The following CLCN4 variants were observed in gnomAD, a reference collection of about 807,000 sequenced individuals.
The protein encoded by CLCN4 is Cl-/H+ antiporter 4.
In CLCN4, 1 loss-of-function variant was observed where a neutral mutation model predicts 41.7. That is an observed-to-expected ratio of 0.02 (90% CI 0.01 to 0.11). CLCN4 has a LOEUF of 0.11. Ranked by LOEUF, CLCN4 falls within the 10% of genes least tolerant of loss-of-function variation. CLCN4 has a pLI of 1.00. For missense variants in CLCN4, 287 were observed against 661.0 expected (o/e 0.43, Z 6.20); for synonymous variants, 277 against 285.8 (o/e 0.97, Z 0.31).
At chrX:10,166,265 A>G (rs1330764270) in intron 2 of CLCN4, among the ~76,000 whole-genome samples, 1 of 112,011 alleles carries the variant, frequency 8.9e-6, no homozygotes, top group Non-Finnish European at 1.9e-5. Flanking sequence ...GGTGAAACGA[A>G]GGCATCAGCA....
chrX:10,231,838 TTC>T (rs1925134265), intron 12 of CLCN4, among the ~76,000 whole-genome samples: 1 of 112,015 alleles, frequency 8.9e-6, no homozygotes, highest in East Asian at 2.8e-4. Flanking sequence ...CATGTGAATT[TTC>T]TGTTTTCCAG....
intron 5 of CLCN4, among the ~76,000 whole-genome samples, chrX:10,197,505 C>A (rs936189956): frequency 9.0e-6 from 1 of 110,945 alleles, no homozygotes; most frequent in Non-Finnish European, 1.9e-5. Context: ...ATTGGCAGTG[C>A]GGGTGCTTGC....
intron 3 of CLCN4, 112 bp from the exon 4 acceptor site, chrX:10,187,403 G>C (rs1461701564): frequency 1.8e-6 from 1 of 558,911 alleles, no homozygotes; most frequent in Non-Finnish European, 3.0e-6. Flanking sequence ...GCTGCTTGAT[G>C]ACATTCATTT....
chrX:10,176,079 A>C (rs925025374), intron 2 of CLCN4, among the ~76,000 whole-genome samples: 1 of 111,370 alleles, frequency 9.0e-6, no homozygotes, highest in African/African-American at 3.3e-5. Context: ...GTTTCTGGAA[A>C]CTCATTCCTT....
chrX:10,170,798 C>T (rs1923368330), intron 2 of CLCN4, among the ~76,000 whole-genome samples: 2 of 112,583 alleles, frequency 1.8e-5, no homozygotes, highest in African/African-American at 6.5e-5. Context: ...CCACGTTGTC[C>T]CCTAATTGCC....
At chrX:10,199,996 C>T (rs1463675272) in intron 6 of CLCN4, among the ~76,000 whole-genome samples, 1 of 111,690 alleles carries the variant, frequency 9.0e-6, no homozygotes, top group Non-Finnish European at 1.9e-5. Context: ...TGTGATCCAT[C>T]CGCCTCGGCC....
intron 2 of CLCN4, among the ~76,000 whole-genome samples, chrX:10,173,714 G>T (rs1923443769): frequency 8.9e-6 from 1 of 112,008 alleles, no homozygotes; most frequent in Admixed American, 9.5e-5. Flanking sequence ...CCATGCCCCA[G>T]ACCTGCTGAA....
chrX:10,201,720 T>C (rs1379026913), intron 6 of CLCN4, among the ~76,000 whole-genome samples: 1 of 112,644 alleles, frequency 8.9e-6, no homozygotes, highest in Non-Finnish European at 1.9e-5. Flanking sequence ...GATGCACTTA[T>C]GTATATTTAA....
intron 12 of CLCN4, among the ~76,000 whole-genome samples, chrX:10,230,445 T>A (rs1463440731): frequency 8.9e-6 from 1 of 112,141 alleles, no homozygotes; most frequent in Non-Finnish European, 1.9e-5. Context: ...CTCTGGTTGA[T>A]TGATTGCAAT....
chrX:10,193,446 T>C (rs900758125), intron 4 of CLCN4, among the ~76,000 whole-genome samples: 1 of 111,352 alleles, frequency 9.0e-6, no homozygotes, highest in Non-Finnish European at 1.9e-5. Flanking sequence ...TTTGAGGAAA[T>C]GGCCTTTAGA....
In CLCN4 at chrX:10,197,991, T is replaced by A; in HGVS notation, c.485T>A (p.Leu162Gln). ...TTAATGTACATCCTATGGGCGCTGC[T>A]GTTTGCATTTTTGGCTGTCTCCCTG... ...NYLMYILWALLFAFLAVSLVR... is the reference protein window; with the variant it reads ...NYLMYILWALQFAFLAVSLVR... Residue 162 changes from leucine (L) to glutamine (Q), a missense_variant, in exon 6 of 13, where the codon CTG becomes CAG. Leu to Gln is a moderately radical substitution (Grantham distance 113). Coordinates refer to ENST00000380833, the MANE Select transcript of CLCN4 (RefSeq NM_001830.4). The A allele has an allele frequency of 2.5e-6, 3 of 1,210,870 alleles. No individual in the cohort carries two copies. The highest frequency in any genetic ancestry group is 3.4e-6 in the Non-Finnish European group (3 of 894,779).
At chrX:10,170,655 G>C (rs1338046865) in intron 2 of CLCN4, among the ~76,000 whole-genome samples, 1 of 111,266 alleles carries the variant, frequency 9.0e-6, no homozygotes, top group Non-Finnish European at 1.9e-5. Flanking sequence ...CTCTGAGGGT[G>C]GGACCTGACA....
At chrX:10,201,658 AT>A (rs1924240861) in intron 6 of CLCN4, among the ~76,000 whole-genome samples, 1 of 112,398 alleles carries the variant, frequency 8.9e-6, no homozygotes, top group Non-Finnish European at 1.9e-5. Flanking sequence ...GTCTGAGGTG[AT>A]CTGCCATAAG....
At position 10,236,031 on chromosome X, in the gene CLCN4, T is replaced by A. The variant is rs1039514660; in HGVS notation, c.*2447T>A. ...ATGTAGTTCCCCTCTTATTCCCCTG[T>A]GGTCTCCTCAGAGCCAGCGTGTGCT... is the stretch of plus-strand genomic sequence containing the variant. On this transcript the variant is annotated 3_prime_UTR_variant, in exon 13 of 13. Transcript: ENST00000380833. 8.9e-6 allele frequency: 1 copy of A among 112,472 alleles called. No homozygotes were observed. Among genetic ancestry groups the A allele is most frequent in the Non-Finnish European group, 1.9e-5 (1 of 53,334 alleles). 9.3% of individuals were successfully genotyped at this position (112,472 alleles called of 1,213,427 possible). A position where few individuals can be genotyped will look rare whatever the true frequency, so the allele number is the denominator to read the frequency against.
At chrX:10,185,974 G>A (rs1248880314) in intron 3 of CLCN4, among the ~76,000 whole-genome samples, 3 of 111,785 alleles carry the variant, frequency 2.7e-5, no homozygotes, top group African/African-American at 9.8e-5. Flanking sequence ...AGGCAGTGAT[G>A]TGTAGGTGGA....
intron 11 of CLCN4, among the ~76,000 whole-genome samples, chrX:10,217,103 T>G (rs1304539052): frequency 9.4e-6 from 1 of 106,513 alleles, no homozygotes; most frequent in Admixed American, 1.0e-4. Flanking sequence ...TATGGACGCA[T>G]TTAAAAAAAT....
In CLCN4 at chrX:10,220,812, G is replaced by C. The variant is rs376156924; in HGVS notation, c.2127G>C (p.Pro709=). The C allele has an allele frequency of 5.4e-5, 65 of 1,210,270 alleles. No individual in the cohort carries two copies. The Admixed American group carries it at 1.4e-3, about 26-fold the overall frequency. The change falls in exon 12 of 13, where the codon CCG becomes CCC. Residue 709 remains proline, a synonymous_variant. Coordinates refer to ENST00000380833, the MANE Select transcript of CLCN4 (RefSeq NM_001830.4). ...CGTTTACAGTGACAGACCACACTCC[G>C]ATGGAAACGGTGGTGGATATCTTCC... The part of the protein sequence containing the change: ...LSPFTVTDHT[P]METVVDIFRK...
chrX:10,172,242 C>A (rs1275778635), intron 2 of CLCN4, among the ~76,000 whole-genome samples: 2 of 112,254 alleles, frequency 1.8e-5, no homozygotes, highest in Non-Finnish European at 3.8e-5. Flanking sequence ...CTTTGCCCCG[C>A]AAGCCTTTTC....
At chrX:10,159,361 G>A (rs938371572) in intron 2 of CLCN4, among the ~76,000 whole-genome samples, 10 of 111,221 alleles carry the variant, frequency 9.0e-5, no homozygotes, top group Non-Finnish European at 1.5e-4. Context: ...TGAATGGAGA[G>A]GCTTGATGAC....
Sources: gnomAD v4.1 joint callset for allele counts (sites outside exome capture counted in the v4.1 genomes callset) on GRCh38, gnomAD v4.1.1 for gene constraint, MANE v1.5 for transcripts, NCBI Gene and HGNC (gene_info 2026-07-23, HGNC 2026-07-21) for gene names.